The following MCTP1 variants were observed in gnomAD, a reference collection of about 807,000 sequenced individuals.
MCTP1 encodes multiple C2 and transmembrane domain-containing protein 1.
A neutral mutation model predicts 120.6 loss-of-function variants in MCTP1; 69 were observed. The observed-to-expected ratio is 0.57, with a 90% CI of 0.47 to 0.70. The LOEUF is 0.70. MCTP1 is among the 30% of genes least tolerant of loss of function. MCTP1 has a pLI of 0.00. For synonymous variants in MCTP1, 529 were observed against 493.1 expected, an observed-to-expected ratio of 1.07 and a Z score of -0.96; for missense variants, 1,203 against 1,248.8, an observed-to-expected ratio of 0.96 and a Z score of 0.55.
At chr5:95,196,938 AT>A (rs1008957882) in intron 1 of MCTP1, among the ~76,000 whole-genome samples, 1 of 152,140 alleles carries the variant, frequency 6.6e-6, no homozygotes, top group Non-Finnish European at 1.5e-5. Flanking sequence ...CAACAGATTG[AT>A]TTTTTTAAAA....
intron 17 of MCTP1, among the ~76,000 whole-genome samples, chr5:94,866,212 T>C (rs1469721498): frequency 1.3e-5 from 2 of 151,910 alleles, no homozygotes; most frequent in African/African-American, 4.8e-5. Context: ...CATAGATTGG[T>C]CAACTGATTC....
In MCTP1 at chr5:94,748,898, A is replaced by T. The variant is rs192950312; in HGVS notation, c.2610+30212T>A. On this transcript the variant is annotated intron_variant, in intron 19 of 22. Coordinates refer to ENST00000515393, the MANE Select transcript of MCTP1 (RefSeq NM_024717.7). ...ACTGGACACGGTGGACTGACTACAC[A>T]GACTGGCCACCGTCTGCAATAGCGC... Among the ~76,000 whole-genome samples the T allele has an allele frequency of 2.2e-3, 335 of 152,338 alleles. 4 individuals carry two copies. Among genetic ancestry groups the T allele is most frequent in the Admixed American group, 0.021 (316 of 15,300 alleles).
intron 5 of MCTP1, among the ~76,000 whole-genome samples, chr5:94,935,333 C>T (rs1815907777): frequency 6.6e-6 from 1 of 151,898 alleles, no homozygotes. Flanking sequence ...ACTGGCAATC[C>T]ACACAAGGAG....
At chr5:95,164,310 G>T (rs1746080457) in intron 1 of MCTP1, among the ~76,000 whole-genome samples, 1 of 148,770 alleles carries the variant, frequency 6.7e-6, no homozygotes, top group Non-Finnish European at 1.5e-5. Flanking sequence ...CAAAAAAAAA[G>T]GTTTACAAGC....
At chr5:95,171,753 A>G (rs1747328655) in intron 1 of MCTP1, among the ~76,000 whole-genome samples, 1 of 150,412 alleles carries the variant, frequency 6.6e-6, no homozygotes, top group Non-Finnish European at 1.5e-5. Context: ...CATGGTTTTC[A>G]GCTCCATCAG....
intron 1 of MCTP1, among the ~76,000 whole-genome samples, chr5:95,186,692 G>C (rs1443269207): frequency 2.6e-5 from 4 of 152,078 alleles, no homozygotes; most frequent in African/African-American, 9.7e-5. Context: ...ATAGCTAAAA[G>C]AAAGTTGATA....
rs2152749857 is a variant in MCTP1 at position 95,284,331 on chromosome 5, T to G, written c.245A>C (p.Lys82Thr). ...SGAGSRWSGF[K>T]KRKQVLDRVF... Reference sequence around the variant, plus strand: ...TCGGTCCAGCACTTGCTTCCGCTTCTTGAAGCCGCTCCACCTGCTGCCTGC... The same window carrying G: ...TCGGTCCAGCACTTGCTTCCGCTTCGTGAAGCCGCTCCACCTGCTGCCTGC... Residue 82 changes from lysine (K) to threonine (T), a missense_variant, in exon 1 of 23, where the codon AAG becomes ACG. Transcript: ENST00000515393. The surrounding 1 kb of genome is among the most constrained non-coding windows in gnomAD (Gnocchi z 5.2). 2 of 1,597,234 alleles carry G rather than the reference T, an allele frequency of 1.3e-6. No homozygotes were observed. The highest frequency in any genetic ancestry group is 4.5e-5 in the East Asian group (2 of 44,748).
intron 1 of MCTP1, among the ~76,000 whole-genome samples, chr5:95,212,125 C>T (rs1330021613): frequency 1.3e-5 from 2 of 151,802 alleles, no homozygotes; most frequent in East Asian, 3.9e-4. Context: ...GCTAGCAAGA[C>T]TAATAAAGAA....
chr5:95,231,337 G>T (rs939087580), intron 1 of MCTP1, among the ~76,000 whole-genome samples: 1 of 149,740 alleles, frequency 6.7e-6, no homozygotes, highest in Non-Finnish European at 1.5e-5. Flanking sequence ...GATGGATAAG[G>T]ATATATATAT....
At chr5:94,989,302 G>A (rs1831047041) in intron 2 of MCTP1, among the ~76,000 whole-genome samples, 1 of 152,098 alleles carries the variant, frequency 6.6e-6, no homozygotes, top group East Asian at 1.9e-4. Context: ...GGTCCCTTTT[G>A]TCTTTAACTT....
intron 12 of MCTP1, among the ~76,000 whole-genome samples, chr5:94,881,758 C>T (rs547521324): frequency 6.6e-6 from 1 of 152,268 alleles, no homozygotes; most frequent in South Asian, 2.1e-4. Flanking sequence ...AGGTTAGTGG[C>T]TGACATGTGA....
intron 1 of MCTP1, among the ~76,000 whole-genome samples, chr5:95,111,386 A>G (rs1757440080): frequency 1.3e-5 from 2 of 152,174 alleles, no homozygotes; most frequent in Non-Finnish European, 2.9e-5. Context: ...TATACTGAAG[A>G]ACAAAGACTT....
chr5:95,107,153 G>A (rs1392274346), intron 1 of MCTP1, among the ~76,000 whole-genome samples: 1 of 152,068 alleles, frequency 6.6e-6, no homozygotes, highest in Non-Finnish European at 1.5e-5. Context: ...TAATTTAGGA[G>A]TTCATTTAAA....
At position 94,799,014 on chromosome 5, in the gene MCTP1, G is replaced by T. The variant is rs756614065; in HGVS notation, c.2555C>A (p.Thr852Lys). ...ACAAGTAAGAGAGTAGAGACTTACT[G>T]TATCACGTTGCCTGTTATCTTTCCC... ...ISGKDNRQRD[T>K]VVEDMLEDEE... Residue 852 changes from threonine (T) to lysine (K), a missense_variant and splice_region_variant, in exon 18 of 23, where the codon ACA (threonine) becomes AAA (lysine). Physicochemically the swap from Thr to Lys is moderately conservative, Grantham distance 78. Transcript: ENST00000515393. 6.2e-7 allele frequency: 1 copy of T among 1,610,526 alleles called. No homozygotes were observed. Among genetic ancestry groups the T allele is most frequent in the African/African-American group, 1.3e-5 (1 of 74,840 alleles).
intron 1 of MCTP1, among the ~76,000 whole-genome samples, chr5:95,106,604 T>G (rs988396136): frequency 1.3e-5 from 2 of 152,198 alleles, no homozygotes; most frequent in Non-Finnish European, 2.9e-5. Flanking sequence ...CCTGACTAAT[T>G]TGCCTGTATT....
intron 1 of MCTP1, among the ~76,000 whole-genome samples, chr5:95,166,327 T>C (rs1416065943): frequency 1.3e-5 from 2 of 152,160 alleles, no homozygotes; most frequent in East Asian, 1.9e-4. Context: ...TCTATAAGCA[T>C]GTAGTGCTTC....
intron 1 of MCTP1, among the ~76,000 whole-genome samples, chr5:95,171,080 T>A: frequency 6.6e-6 from 1 of 152,208 alleles, no homozygotes; most frequent in East Asian, 1.9e-4. Context: ...AGTGCTTATT[T>A]CAGGAGCTCT....
chr5:94,848,673 C>T (rs1206194282), intron 17 of MCTP1, among the ~76,000 whole-genome samples: 2 of 151,852 alleles, frequency 1.3e-5, no homozygotes, highest in African/African-American at 4.8e-5. Flanking sequence ...GTTTTATTGA[C>T]AAAGGTGGTT....
At chr5:95,012,983 A>T (rs114586173) in intron 2 of MCTP1, among the ~76,000 whole-genome samples, 1 of 152,168 alleles carries the variant, frequency 6.6e-6, no homozygotes, top group Admixed American at 6.6e-5. Flanking sequence ...CTCTTGCTCC[A>T]AACAGGTAGC....
Sources: allele counts gnomAD v4.1 joint callset (sites outside exome capture counted in the v4.1 genomes callset), GRCh38; gene constraint gnomAD v4.1.1; non-coding constraint Gnocchi (gnomAD v3.1); transcripts MANE v1.5; gene names NCBI Gene and HGNC (gene_info 2026-07-23, HGNC 2026-07-21).